Variants in GPM6A observed in about 807,000 individuals in gnomAD.
GPM6A encodes neuronal membrane glycoprotein M6-a.
GPM6A carries 7 observed loss-of-function variants against 32.1 expected under a neutral mutation model. The ratio of observed to expected loss-of-function variants is 0.22; its 90% CI spans 0.12 to 0.41. GPM6A has a LOEUF of 0.41. Ranked by LOEUF, GPM6A falls within the 10% of genes least tolerant of loss-of-function variation. The pLI, the probability that GPM6A is intolerant of heterozygous loss-of-function variation, is 1.00. For missense variants in GPM6A, 235 were observed against 347.2 expected (o/e 0.68, Z 2.57); for synonymous variants, 130 against 123.4 (o/e 1.05, Z -0.35).
At chr4:175,806,972 G>A (rs1229644835) in intron 1 of GPM6A, 1 of 152,136 alleles carries the variant, frequency 6.6e-6, no homozygotes, top group Non-Finnish European at 1.5e-5. Flanking sequence ...CTTTTCATAG[G>A]TCTGTGAGTA....
At chr4:175,814,306 A>G (rs774343363), upstream of GPM6A, among the ~76,000 whole-genome samples, 1 of 152,200 alleles carries the variant, frequency 6.6e-6, no homozygotes. Context: ...AAAACAAAAA[A>G]CACGGATGCT....
At chr4:175,881,176 G>T (rs1415579275) in intron 1 of GPM6A, among the ~76,000 whole-genome samples, 1 of 152,130 alleles carries the variant, frequency 6.6e-6, no homozygotes, top group East Asian at 1.9e-4. Flanking sequence ...ACCAAAAAGT[G>T]GATGAAGGAT....
chr4:175,998,422 C>T (rs1264441132), intron 1 of GPM6A, among the ~76,000 whole-genome samples: 1 of 152,190 alleles, frequency 6.6e-6, no homozygotes, highest in Non-Finnish European at 1.5e-5. Flanking sequence ...TCTCAAAGTG[C>T]TGAGATTACA....
At chr4:175,662,522 C>A (rs1192852657) in intron 3 of GPM6A, among the ~76,000 whole-genome samples, 1 of 152,014 alleles carries the variant, frequency 6.6e-6, no homozygotes, top group Non-Finnish European at 1.5e-5. Context: ...ATCACTTGAA[C>A]CTGGGAGGCG....
Position 175,854,698 on chromosome 4 carries a change from G to A in GPM6A, c.-22-42449C>T, listed in dbSNP as rs528143656. Among the ~76,000 whole-genome samples the A allele has an allele frequency of 8.5e-5, 13 of 152,288 alleles. No homozygotes were observed. The East Asian group carries it at 1.4e-3, about 16-fold the overall frequency. ...AACTCCGTGAGTTGAAAGATTGAAC[G>A]GAGAATACGGAGAGACCTAGACAGC... On this transcript the variant is annotated intron_variant, in intron 1 of 7. Transcript: ENST00000280187.
chr4:175,891,575 A>G (rs1046386247), intron 1 of GPM6A: 3 of 152,234 alleles, frequency 2.0e-5, no homozygotes, highest in Admixed American at 2.0e-4. Flanking sequence ...AACTTATTCA[A>G]ATACAGATTT....
At position 175,935,674 on chromosome 4, in the gene GPM6A, A is replaced by G. The variant is rs1172937126; in HGVS notation, c.-23+66635T>C. 2.0e-5 allele frequency among the ~76,000 whole-genome samples: 3 copies of G among 152,174 alleles called. No individual in the cohort carries two copies. In the East Asian group the frequency reaches 5.8e-4, roughly 29 times the overall value. ...GAATAAAATGATTTGAATAAATATC[A>G]TATTCCTGAATTCAAGGACTCATTA... is the stretch of plus-strand genomic sequence containing the variant. On this transcript the variant is annotated intron_variant, in intron 1 of 7. Transcript: ENST00000280187.
intron 1 of GPM6A, among the ~76,000 whole-genome samples, chr4:175,992,059 T>TGCACGCAC (rs1554007512): frequency 4.4e-5 from 2 of 45,236 alleles, no homozygotes. Flanking sequence ...CAAACACACA[T>TGCACGCAC]GCACACACAC....
intron 1 of GPM6A, among the ~76,000 whole-genome samples, chr4:175,777,568 A>G (rs1366691507): frequency 1.3e-5 from 2 of 152,096 alleles, no homozygotes; most frequent in Non-Finnish European, 2.9e-5. Flanking sequence ...AGAGTCCACA[A>G]ATGAATGTGT....
chr4:175,797,575 C>T (rs1477935587), intron 1 of GPM6A, among the ~76,000 whole-genome samples: 1 of 152,094 alleles, frequency 6.6e-6, no homozygotes, highest in Non-Finnish European at 1.5e-5. Context: ...CCCATGATTG[C>T]AATTTTCTTC....
chr4:175,734,857 G>GA (rs964481730), intron 1 of GPM6A, among the ~76,000 whole-genome samples: 22 of 150,282 alleles, frequency 1.5e-4, no homozygotes, highest in South Asian at 2.1e-4. Flanking sequence ...TGGGCGACAA[G>GA]AAAAAAAAAT....
intron 1 of GPM6A, among the ~76,000 whole-genome samples, chr4:175,994,639 C>T (rs1741248623): frequency 6.6e-6 from 1 of 152,310 alleles, no homozygotes; most frequent in African/African-American, 2.4e-5. Context: ...GAGGGCCTTG[C>T]CTCCCTGTTG....
chr4:175,637,318 A>C lies in GPM6A; in HGVS notation c.685-2261T>G, dbSNP rs35287384. Among the ~76,000 whole-genome samples the C allele has an allele frequency of 2.2e-3, 142 of 64,482 alleles. 3 individuals carry two copies. Among genetic ancestry groups the C allele is most frequent in the African/African-American group, 8.8e-3 (126 of 14,278 alleles). 42.3% of individuals were successfully genotyped at this position (64,482 alleles called of 152,430 possible). A position where few individuals can be genotyped will look rare whatever the true frequency, so the allele number is the denominator to read the frequency against. ...TATATTATATATTATATATAATATA[A>C]AATATATATTATATATTATATATTA... On this transcript the variant is annotated intron_variant, in intron 6 of 6. Coordinates refer to ENST00000393658, the MANE Select transcript of GPM6A (RefSeq NM_201591.3).
chr4:175,671,477 GAAAAAAAAAAAAA>G (rs544889132), intron 3 of GPM6A, among the ~76,000 whole-genome samples: 5 of 24,408 alleles, frequency 2.0e-4, no homozygotes, highest in Middle Eastern at 0.029. Context: ...GCCTACAAAC[GAAAAAAAAAAAAA>G]AAAAAAAAAA....
chr4:175,730,200 G>A (rs1731357464), intron 1 of GPM6A, among the ~76,000 whole-genome samples: 1 of 151,876 alleles, frequency 6.6e-6, no homozygotes, highest in Non-Finnish European at 1.5e-5. Context: ...GCTTCTAATT[G>A]CTGCTTGCAT....
chr4:175,726,824 C>T (rs568561931), intron 1 of GPM6A, among the ~76,000 whole-genome samples: 15 of 152,192 alleles, frequency 9.9e-5, no homozygotes, highest in Non-Finnish European at 1.5e-4. Context: ...GGTGAAACCC[C>T]GTCTCTACTA....
chr4:175,946,256 T>C (rs1739602572), intron 1 of GPM6A, among the ~76,000 whole-genome samples: 1 of 152,238 alleles, frequency 6.6e-6, no homozygotes, highest in African/African-American at 2.4e-5. Context: ...CAAAAACAAC[T>C]GAGTGTTTCA....
intron 4 of GPM6A, among the ~76,000 whole-genome samples, chr4:175,649,570 C>T (rs1447518637): frequency 6.6e-6 from 1 of 152,142 alleles, no homozygotes; most frequent in Non-Finnish European, 1.5e-5. Flanking sequence ...TATTATCCTA[C>T]AGGAAATGAA....
rs754747152 is a variant in GPM6A, at chr4:175,652,038, A to C, written c.388-51T>G. On this transcript the variant is annotated intron_variant, in intron 3 of 6. Transcript: ENST00000393658. ...AGAAAATGTAATCTACCAAAAAAGA[A>C]GAATTTTGTGTTTAATCTGCAAAGC... The C allele has an allele frequency of 6.8e-6, 10 of 1,469,250 alleles. No homozygotes were observed. The South Asian group carries it at 1.2e-4, about 18-fold the overall frequency. 91.0% of individuals were successfully genotyped at this position (1,469,250 alleles called of 1,614,324 possible).
Sources: allele counts gnomAD v4.1 joint callset (sites outside exome capture counted in the v4.1 genomes callset), GRCh38; gene constraint gnomAD v4.1.1; transcripts MANE v1.5; gene names NCBI Gene and HGNC (gene_info 2026-07-23, HGNC 2026-07-21).